Variants in TSPEAR observed in about 807,000 individuals in gnomAD.
TSPEAR encodes the protein thrombospondin-type laminin G domain and EAR repeat-containing protein.
Under a neutral mutation model 71.6 loss-of-function variants are expected in TSPEAR, and 69 were observed. The observed-to-expected ratio is 0.96, with a 90% CI of 0.79 to 1.18. The LOEUF is 1.18. TSPEAR is among the 50% of genes most tolerant of loss of function. TSPEAR has a pLI of 0.00. For missense variants in TSPEAR, 971 were observed against 894.9 expected (o/e 1.09, Z -1.09); for synonymous variants, 402 against 387.2 (o/e 1.04, Z -0.45).
chr21:44,682,448 C>T (rs561394422), intron 1 of TSPEAR, among the ~76,000 whole-genome samples: 4 of 152,340 alleles, frequency 2.6e-5, no homozygotes, highest in East Asian at 1.9e-4. Flanking sequence ...GTTAGTTCTA[C>T]GCTGAAGCAG....
At position 44,654,494 on chromosome 21, in the gene TSPEAR, AG is replaced by A. The variant is rs1555942169; in HGVS notation, c.82+56938del. ...AGGGGCCGGCACAGCAGAGCCACAC[AG>A]GGGGCTGAGCAGCAGCAGGAGGTCC... On this transcript the variant is annotated intron_variant, in intron 1 of 11. Transcript: ENST00000323084. The A allele has an allele frequency of 2.5e-6, 4 of 1,613,692 alleles. No individual in the cohort carries two copies. In the African/African-American group the frequency reaches 5.3e-5, roughly 22 times the overall value.
intron 1 of TSPEAR, among the ~76,000 whole-genome samples, chr21:44,672,576 A>G (rs1555946206): frequency 3.3e-5 from 1 of 30,272 alleles, no homozygotes; most frequent in East Asian, 9.6e-4. Flanking sequence ...TCTCAAAACA[A>G]AAAAAAAAGA....
intron 2 of TSPEAR, among the ~76,000 whole-genome samples, chr21:44,536,484 A>G (rs2053092999): frequency 6.6e-6 from 1 of 152,210 alleles, no homozygotes; most frequent in Non-Finnish European, 1.5e-5. Context: ...TCCCTCTCAA[A>G]ACAATCCTTG....
At chr21:44,604,976 T>C (rs1981217591) in intron 1 of TSPEAR, among the ~76,000 whole-genome samples, 1 of 152,232 alleles carries the variant, frequency 6.6e-6, no homozygotes, top group Non-Finnish European at 1.5e-5. Flanking sequence ...TGCTGTTGAA[T>C]TCAGTTTGCT....
chr21:44,570,781 T>C (rs900838956), intron 1 of TSPEAR, among the ~76,000 whole-genome samples: 2 of 152,140 alleles, frequency 1.3e-5, no homozygotes, highest in Non-Finnish European at 2.9e-5. Context: ...ATCCATCAAA[T>C]TGATAAACAA....
chr21:44,607,330 G>T (rs1262444971), intron 1 of TSPEAR, among the ~76,000 whole-genome samples: 1 of 152,138 alleles, frequency 6.6e-6, no homozygotes, highest in South Asian at 2.1e-4. Flanking sequence ...CACCTGCCTT[G>T]GCCTCCCAAA....
At chr21:44,616,035 C>T (rs140428619) in intron 1 of TSPEAR, among the ~76,000 whole-genome samples, 1 of 152,322 alleles carries the variant, frequency 6.6e-6, no homozygotes, top group African/African-American at 2.4e-5. Context: ...GCGGAGGCCA[C>T]ACAGAGAAGA....
chr21:44,681,671 G>A (rs572452701), intron 1 of TSPEAR: 4 of 975,940 alleles, frequency 4.1e-6, no homozygotes, highest in South Asian at 4.3e-5. Flanking sequence ...GTTCAGCCAG[G>A]GCTCCAGATC....
chr21:44,658,051 C>T lies in TSPEAR; in HGVS notation c.82+53382G>A, dbSNP rs782729442. Reference sequence around the variant, plus strand: ...TACACAGCCCCTGCCAGGCATCCTGCTATGTGCCCGTGAGCTGCCAGTCCT... The same window carrying T: ...TACACAGCCCCTGCCAGGCATCCTGTTATGTGCCCGTGAGCTGCCAGTCCT... On this transcript the variant is annotated intron_variant, in intron 1 of 11. Transcript: ENST00000323084. The T allele has an allele frequency of 1.9e-6, 3 of 1,613,874 alleles. No individual in the cohort carries two copies. The South Asian group carries it at 3.3e-5, about 18-fold the overall frequency.
chr21:44,515,996 T>G (rs1421666133), intron 9 of TSPEAR: 6 of 152,212 alleles, frequency 3.9e-5, no homozygotes, highest in Non-Finnish European at 8.8e-5. Flanking sequence ...GCGATTCATG[T>G]GGACACAGGG....
At chr21:44,702,819 GC>G in intron 1 of TSPEAR, 1 of 1,123,420 alleles carries the variant, frequency 8.9e-7, no homozygotes, top group Non-Finnish European at 1.3e-6. Context: ...GTCCCCCAGG[GC>G]CAGCCAGGCT....
At chr21:44,572,544 G>A (rs964038965) in intron 1 of TSPEAR, among the ~76,000 whole-genome samples, 2 of 151,936 alleles carry the variant, frequency 1.3e-5, no homozygotes, top group African/African-American at 4.8e-5. Context: ...CACCCCCCAT[G>A]CTCCACCTGC....
intron 1 of TSPEAR, among the ~76,000 whole-genome samples, chr21:44,603,055 G>A (rs1031229468): frequency 3.2e-4 from 14 of 43,296 alleles, no homozygotes; most frequent in African/African-American, 5.3e-4. Context: ...TGCTCCAGAG[G>A]GGGTGGAGAC....
chr21:44,509,208 A>G lies in TSPEAR; in HGVS notation c.1745T>C (p.Leu582Pro), dbSNP rs782502798. Residue 582 changes from leucine to proline, a missense_variant, in exon 10 of 12, where the codon CTC (leucine) becomes CCC (proline). Physicochemically the swap from Leu to Pro is moderately conservative, Grantham distance 98. Coordinates refer to ENST00000323084, the MANE Select transcript of TSPEAR (RefSeq NM_144991.3). Reference sequence around the variant, plus strand: ...CTGTGGAGGCGCATACCTGCAGGTGAGAATGTCCTGGAACTTGACAAAGGC... The same window carrying G: ...CTGTGGAGGCGCATACCTGCAGGTGGGAATGTCCTGGAACTTGACAAAGGC... ...AQAFVKFQDI[L>P]TCSALDWEFF... The G allele has an allele frequency of 2.5e-6, 4 of 1,613,714 alleles. No individual in the cohort carries two copies. The highest frequency in any genetic ancestry group is 1.6e-4 in the Middle Eastern group (1 of 6,084).
intron 1 of TSPEAR, among the ~76,000 whole-genome samples, chr21:44,636,698 C>T (rs57998698): frequency 0.036 from 5,525 of 152,204 alleles, 337 homozygotes; most frequent in African/African-American, 0.13. Context: ...GAGGCCCCTC[C>T]CCACCCTCAG....
chr21:44,559,479 G>C (rs782760874), intron 2 of TSPEAR, among the ~76,000 whole-genome samples: 8 of 152,134 alleles, frequency 5.3e-5, no homozygotes, highest in African/African-American at 1.9e-4. Flanking sequence ...GCCTTCCCCC[G>C]GTGGTGTGCA....
At chr21:44,523,767 G>A (rs1402994187) in intron 8 of TSPEAR, among the ~76,000 whole-genome samples, 2 of 151,612 alleles carry the variant, frequency 1.3e-5, no homozygotes, top group Admixed American at 6.6e-5. Flanking sequence ...CAGTCAGTGA[G>A]GTAGTTAATC....
At chr21:44,685,479 G>A (rs1217661860) in intron 1 of TSPEAR, among the ~76,000 whole-genome samples, 5 of 152,024 alleles carry the variant, frequency 3.3e-5, no homozygotes, top group African/African-American at 1.2e-4. Context: ...GCGAGGGAGA[G>A]GAACCAGACA....
chr21:44,509,348 C>T lies in TSPEAR; in HGVS notation c.1605G>A (p.Gly535=), dbSNP rs782167264. Reference sequence around the variant, plus strand: ...TTGCCACAGCGAGGAAGATCCTCTCCCCGATCTGGAAGACCTCCCAGTCTG... The same window carrying T: ...TTGCCACAGCGAGGAAGATCCTCTCTCCGATCTGGAAGACCTCCCAGTCTG... ...GAADWEVFQI[G]ERIFLAVANS... is the part of the protein sequence containing the mutation. The change falls in exon 10 of 12, where the codon GGG becomes GGA. Residue 535 remains glycine, a synonymous_variant. Coordinates refer to ENST00000323084, the MANE Select transcript of TSPEAR (RefSeq NM_144991.3). 9.3e-6 allele frequency: 15 copies of T among 1,613,882 alleles called. No individual in the cohort carries two copies. Among genetic ancestry groups the T allele is most frequent in the Non-Finnish European group, 1.2e-5 (14 of 1,179,976 alleles).
Sources: allele counts gnomAD v4.1 joint callset (sites outside exome capture counted in the v4.1 genomes callset), GRCh38; gene constraint gnomAD v4.1.1; transcripts MANE v1.5; gene names NCBI Gene and HGNC (gene_info 2026-07-23, HGNC 2026-07-21).